LUZP2: variants seen among roughly 807,000 people sequenced by gnomAD.
LUZP2 encodes the protein leucine zipper protein 2.
In LUZP2, 52 loss-of-function variants were observed where a neutral mutation model predicts 51.6. The observed-to-expected ratio is 1.01, with a 90% confidence interval of 0.81 to 1.27. The LOEUF is 1.27. Ranked by LOEUF, LUZP2 falls within the 50% of genes most tolerant of loss-of-function variation. LUZP2 has a pLI of 0.00. For synonymous variants in LUZP2, 154 were observed against 137.3 expected, an observed-to-expected ratio of 1.12 and a Z score of -0.85; for missense variants, 436 against 395.4, an observed-to-expected ratio of 1.10 and a Z score of -0.87.
chr11:24,546,799 A>G (rs11027998), intron 1 of LUZP2, among the ~76,000 whole-genome samples: 151,624 of 152,208 alleles, frequency 1, 75,520 homozygotes, highest in East Asian at 1. Flanking sequence ...GATGAGTTAG[A>G]GAGGAGTCCT....
chr11:25,042,464 C>T (rs551156221), intron 9 of LUZP2, among the ~76,000 whole-genome samples: 16 of 152,182 alleles, frequency 1.1e-4, no homozygotes, highest in African/African-American at 3.6e-4. Context: ...ATTATTTTGC[C>T]TTGCATAGGA....
intron 7 of LUZP2, among the ~76,000 whole-genome samples, chr11:24,949,689 G>A (rs764794574): frequency 2.1e-4 from 32 of 151,502 alleles, no homozygotes; most frequent in Non-Finnish European, 3.7e-4. Flanking sequence ...TGGATATTTC[G>A]AAACACTGAA....
chr11:24,659,606 A>G (rs1021898540), intron 1 of LUZP2, among the ~76,000 whole-genome samples: 4 of 152,106 alleles, frequency 2.6e-5, no homozygotes, highest in Non-Finnish European at 5.9e-5. Context: ...AAATCTTTTC[A>G]TATTCTAAAC....
intron 7 of LUZP2, among the ~76,000 whole-genome samples, chr11:24,932,848 C>T (rs998165263): frequency 9.9e-5 from 15 of 152,188 alleles, no homozygotes; most frequent in African/African-American, 3.6e-4. Flanking sequence ...ACTCTGCATT[C>T]AGTCAGAATT....
intron 1 of LUZP2, among the ~76,000 whole-genome samples, chr11:24,643,254 C>CAAAA (rs570616833): frequency 4.0e-4 from 30 of 75,716 alleles, no homozygotes; most frequent in African/African-American, 1.2e-3. Flanking sequence ...ACTAAAAGTA[C>CAAAA]AAAAAAAAAA....
At chr11:24,715,070 T>C (rs2631439) in intron 1 of LUZP2, among the ~76,000 whole-genome samples, 23 of 152,004 alleles carry the variant, frequency 1.5e-4, no homozygotes, top group Non-Finnish European at 2.5e-4. Context: ...TAACTGACAT[T>C]TACTTACCTC....
chr11:24,731,693 C>G (rs1858719218), intron 2 of LUZP2, among the ~76,000 whole-genome samples: 1 of 151,674 alleles, frequency 6.6e-6, no homozygotes. Context: ...TGCCCTTTGA[C>G]TATTTTAATC....
intron 7 of LUZP2, among the ~76,000 whole-genome samples, chr11:24,950,782 CAT>C (rs1417407329): frequency 6.6e-6 from 1 of 151,520 alleles, no homozygotes; most frequent in Non-Finnish European, 1.5e-5. Flanking sequence ...AACCCTTTGA[CAT>C]AGTGAAATAT....
chr11:24,819,829 A>G (rs1237975505), intron 5 of LUZP2, among the ~76,000 whole-genome samples: 1 of 152,112 alleles, frequency 6.6e-6, no homozygotes, highest in Admixed American at 6.6e-5. Flanking sequence ...GTACATTTAA[A>G]TGTTTCTATA....
At chr11:24,936,784 T>C (rs1195495545) in intron 7 of LUZP2, among the ~76,000 whole-genome samples, 3 of 152,146 alleles carry the variant, frequency 2.0e-5, no homozygotes, top group Non-Finnish European at 2.9e-5. Context: ...TCGTGCAGTT[T>C]AGTCAGAGGC....
At chr11:24,670,722 C>A (rs998910414) in intron 1 of LUZP2, among the ~76,000 whole-genome samples, 3 of 151,594 alleles carry the variant, frequency 2.0e-5, no homozygotes, top group Non-Finnish European at 2.9e-5. Flanking sequence ...TTTTAATTCC[C>A]AAAATTTTAG....
intron 9 of LUZP2, among the ~76,000 whole-genome samples, chr11:25,022,964 T>C (rs753325864): frequency 1.2e-4 from 19 of 152,202 alleles, no homozygotes; most frequent in Non-Finnish European, 2.4e-4. Context: ...TTGATTTGCA[T>C]ATGTTGAACC....
chr11:24,676,755 C>T (rs1030230998), intron 1 of LUZP2, among the ~76,000 whole-genome samples: 1 of 152,010 alleles, frequency 6.6e-6, no homozygotes, highest in Non-Finnish European at 1.5e-5. Context: ...CCTCCTCTTC[C>T]CAGGTACAAG....
At chr11:24,600,387 C>T (rs1409940491) in intron 1 of LUZP2, among the ~76,000 whole-genome samples, 1 of 152,022 alleles carries the variant, frequency 6.6e-6, no homozygotes, top group Non-Finnish European at 1.5e-5. Flanking sequence ...TTCCAGCCTC[C>T]AGAACTTTGA....
rs1272499833 is a variant in LUZP2 at position 25,082,608 on chromosome 11, T to A, written c.*3950T>A. On this transcript the variant is annotated 3_prime_UTR_variant, in exon 12 of 12. Coordinates refer to ENST00000336930, the MANE Select transcript of LUZP2 (RefSeq NM_001009909.4). ...GAATAAAAGATGCTGAAAGATGGCC[T>A]ATTTTTGTTCAATAAAGATTGTTAC... is the stretch of plus-strand genomic sequence containing the variant. 6.6e-6 allele frequency: 1 copy of A among 152,206 alleles called. No individual in the cohort carries two copies. Among genetic ancestry groups the A allele is most frequent in the African/African-American group, 2.4e-5 (1 of 41,456 alleles). The allele number at this position is 152,206 out of a possible 1,614,324, so 9.4% of individuals were successfully genotyped here.
intron 7 of LUZP2, among the ~76,000 whole-genome samples, chr11:24,953,083 A>T (rs1344329288): frequency 6.6e-6 from 1 of 152,018 alleles, no homozygotes; most frequent in Non-Finnish European, 1.5e-5. Flanking sequence ...ACTAAAATGC[A>T]TTAAAATAAA....
intron 1 of LUZP2, among the ~76,000 whole-genome samples, chr11:24,558,859 A>G (rs989840229): frequency 5.3e-5 from 8 of 152,160 alleles, no homozygotes; most frequent in African/African-American, 1.9e-4. Flanking sequence ...CTCACTAGAC[A>G]TTGAATCTGA....
intron 10 of LUZP2, among the ~76,000 whole-genome samples, chr11:25,058,882 G>A (rs1477383774): frequency 6.6e-6 from 1 of 152,132 alleles, no homozygotes; most frequent in African/African-American, 2.4e-5. Flanking sequence ...CTAAAACATT[G>A]TTCTGTAATA....
chr11:24,721,129 C>G (rs1858254117), intron 1 of LUZP2, among the ~76,000 whole-genome samples: 1 of 152,116 alleles, frequency 6.6e-6, no homozygotes, highest in Non-Finnish European at 1.5e-5. Context: ...CACTAGCGTG[C>G]CTTTGGAGTG....
Sources: allele counts gnomAD v4.1 joint callset (sites outside exome capture counted in the v4.1 genomes callset), GRCh38; gene constraint gnomAD v4.1.1; transcripts MANE v1.5; gene names NCBI Gene and HGNC (gene_info 2026-07-23, HGNC 2026-07-21).